DHRSX: variants seen among roughly 807,000 people sequenced by gnomAD.
DHRSX encodes the protein dehydrogenase/reductase X-linked, also known as polyprenol dehydrogenase.
DHRSX carries 31 observed loss-of-function variants against 34.0 expected under a neutral mutation model. The ratio of observed to expected loss-of-function variants is 0.91; its 90% CI spans 0.69 to 1.23. The LOEUF (loss-of-function observed/expected upper bound fraction) is 1.23. DHRSX is among the 50% of genes most tolerant of loss of function. DHRSX has a pLI of 0.00. For missense variants in DHRSX, 414 were observed against 428.1 expected, an observed-to-expected ratio of 0.97 and a Z score of 0.29; for synonymous variants, 201 against 183.8, an observed-to-expected ratio of 1.09 and a Z score of -0.76.
chrX:2,393,362 C>T (rs2043358162), intron 3 of DHRSX, among the ~76,000 whole-genome samples: 2 of 152,108 alleles, frequency 1.3e-5, no homozygotes, highest in Admixed American at 6.5e-5. Context: ...GTGTTGACGC[C>T]TCCCATCTCC....
chrX:2,336,725 A>C (rs62583712), intron 3 of DHRSX, among the ~76,000 whole-genome samples: 44,267 of 151,612 alleles, frequency 0.29, 8,268 homozygotes, highest in African/African-American at 0.52. Context: ...GAAGCACAGT[A>C]CTGCCCACAT....
chrX:2,468,398 G>A (rs1359931359), intron 1 of DHRSX, among the ~76,000 whole-genome samples: 1 of 152,140 alleles, frequency 6.6e-6, no homozygotes, highest in East Asian at 1.9e-4. Flanking sequence ...TGCCTGGGAT[G>A]GTCGCTGACA....
At chrX:2,463,174 A>G (rs1404630175) in intron 1 of DHRSX, among the ~76,000 whole-genome samples, 2 of 152,084 alleles carry the variant, frequency 1.3e-5, no homozygotes, top group East Asian at 1.9e-4. Flanking sequence ...AAATTACCCA[A>G]CTGAAGGTAT....
chrX:2,228,551 A>G (rs780642434), intron 6 of DHRSX, among the ~76,000 whole-genome samples: 2 of 106,754 alleles, frequency 1.9e-5, no homozygotes, highest in African/African-American at 7.3e-5. Flanking sequence ...AAGAGAAGAT[A>G]AGAGGAAGGA....
intron 4 of DHRSX, among the ~76,000 whole-genome samples, chrX:2,289,775 C>T (rs1434906772): frequency 1.3e-5 from 2 of 152,200 alleles, no homozygotes; most frequent in Non-Finnish European, 2.9e-5. Flanking sequence ...ACAGAAGATT[C>T]CAAATGGCTG....
chrX:2,354,393 C>T (rs917536793), intron 3 of DHRSX, among the ~76,000 whole-genome samples: 1 of 152,214 alleles, frequency 6.6e-6, no homozygotes, highest in African/African-American at 2.4e-5. Context: ...GCTTAGAGAG[C>T]AGGTGCTCAC....
intron 5 of DHRSX, among the ~76,000 whole-genome samples, chrX:2,256,543 G>A (rs1190406165): frequency 2.0e-5 from 3 of 151,734 alleles, no homozygotes; most frequent in Non-Finnish European, 2.9e-5. Flanking sequence ...TGATACGCCC[G>A]CCTCGGCCTC....
At chrX:2,362,982 G>T (rs759266896) in intron 3 of DHRSX, among the ~76,000 whole-genome samples, 1 of 103,542 alleles carries the variant, frequency 9.7e-6, no homozygotes, top group Non-Finnish European at 2.2e-5. Context: ...GTATCATGCC[G>T]CCATTTTATC....
At chrX:2,459,216 G>A (rs1467362254) in intron 1 of DHRSX, among the ~76,000 whole-genome samples, 2 of 151,936 alleles carry the variant, frequency 1.3e-5, no homozygotes, top group Admixed American at 1.3e-4. Flanking sequence ...ATACCACACA[G>A]TGATTATAGT....
rs770221952 is a variant in DHRSX at position 2,341,102 on chromosome X, G to C, written c.287-49499C>G. Among the ~76,000 whole-genome samples, 18 of 152,090 alleles carry C rather than the reference G, an allele frequency of 1.2e-4. No individual in the cohort carries two copies. In the East Asian group the frequency reaches 3.3e-3, roughly 28 times the overall value. ...CGATCCTGGGAAGTTAGGGTGCACG[G>C]GTTTACTGGGCTTTGATTTCCTCAG... On this transcript the variant is annotated intron_variant, in intron 3 of 6. Coordinates refer to ENST00000334651, the MANE Select transcript of DHRSX (RefSeq NM_145177.3).
chrX:2,459,040 C>G (rs1162342057), intron 1 of DHRSX, among the ~76,000 whole-genome samples: 10 of 151,920 alleles, frequency 6.6e-5, no homozygotes, highest in African/African-American at 2.4e-4. Flanking sequence ...CTGGGAGGCT[C>G]AGGTGGGAGG....
intron 1 of DHRSX, among the ~76,000 whole-genome samples, chrX:2,499,360 A>C (rs2045356358): frequency 6.6e-6 from 1 of 152,154 alleles, no homozygotes. Context: ...GACCCTCTGA[A>C]CGCTCTGTTT....
At chrX:2,372,813 T>C (rs764853476) in intron 3 of DHRSX, among the ~76,000 whole-genome samples, 2 of 152,074 alleles carry the variant, frequency 1.3e-5, no homozygotes, top group Admixed American at 1.3e-4. Context: ...GGTTTCATCA[T>C]GTTGGCGAGG....
intron 3 of DHRSX, among the ~76,000 whole-genome samples, chrX:2,323,067 G>GCGCCAGC (rs111612950): frequency 0.72 from 109,438 of 151,106 alleles, 40,395 homozygotes; most frequent in Middle Eastern, 0.82. Context: ...GGGATTACAG[G>GCGCCAGC]CGCCACACCC....
At chrX:2,369,879 G>A (rs2043036968) in intron 3 of DHRSX, among the ~76,000 whole-genome samples, 1 of 152,050 alleles carries the variant, frequency 6.6e-6, no homozygotes, top group Non-Finnish European at 1.5e-5. Context: ...CTGACATCAA[G>A]TGATCTGCCC....
intron 3 of DHRSX, among the ~76,000 whole-genome samples, chrX:2,366,665 A>G (rs1411842507): frequency 6.6e-6 from 1 of 151,990 alleles, no homozygotes. Context: ...TGGAGCAGTC[A>G]CAGCTCACTG....
chrX:2,458,301 T>G (rs1025902393), intron 1 of DHRSX, among the ~76,000 whole-genome samples: 5 of 152,108 alleles, frequency 3.3e-5, no homozygotes, highest in African/African-American at 1.2e-4. Flanking sequence ...GAGCAAAGAA[T>G]GTTGTGCAGG....
chrX:2,444,585 C>G (rs1347442683), intron 1 of DHRSX, among the ~76,000 whole-genome samples: 1 of 152,190 alleles, frequency 6.6e-6, no homozygotes, highest in South Asian at 2.1e-4. Context: ...AATCCCAGCA[C>G]TCTGGGAGGC....
intron 1 of DHRSX, among the ~76,000 whole-genome samples, chrX:2,450,909 G>C (rs1768317464): frequency 6.6e-6 from 1 of 151,956 alleles, no homozygotes. Flanking sequence ...CGAGCCTCAT[G>C]AATGGGATCA....
Sources: allele counts gnomAD v4.1 joint callset (sites outside exome capture counted in the v4.1 genomes callset), GRCh38; gene constraint gnomAD v4.1.1; transcripts MANE v1.5; gene names NCBI Gene and HGNC (gene_info 2026-07-23, HGNC 2026-07-21).